Variants in ABLIM1 observed in about 807,000 individuals in gnomAD.
ABLIM1 encodes the protein actin-binding LIM protein 1.
Under a neutral mutation model 107.0 loss-of-function variants are expected in ABLIM1, and 40 were observed. The observed-to-expected ratio is 0.37, with a 90% CI of 0.29 to 0.49. The LOEUF (loss-of-function observed/expected upper bound fraction) is 0.49. Ranked by LOEUF, ABLIM1 falls within the 20% of genes least tolerant of loss-of-function variation. ABLIM1 has a pLI of 0.97. For missense variants in ABLIM1, 857 were observed against 1,008.5 expected (o/e 0.85, Z 2.04); for synonymous variants, 357 against 357.3 (o/e 1.00, Z 0.01).
chr10:114,644,306 AAT>A (rs1244613103), intron 1 of ABLIM1, among the ~76,000 whole-genome samples: 1,797 of 52,184 alleles, frequency 0.034, 48 homozygotes, highest in East Asian at 0.055. Flanking sequence ...AAAAAAAAAA[AAT>A]ATATATATAT....
At position 114,669,178 on chromosome 10, in the gene ABLIM1, T is replaced by A. The variant is rs1018212868; in HGVS notation, c.64+15112A>T. 7.2e-5 allele frequency among the ~76,000 whole-genome samples: 11 copies of A among 152,364 alleles called. No homozygotes were observed. The South Asian group carries it at 2.1e-3, about 29-fold the overall frequency. ...GAGCCTCTTATCTCATTGCATTAAC[T>A]AAATGATCTAACTCAGCAGTACTTC... On this transcript the variant is annotated intron_variant, in intron 1 of 23. Coordinates refer to the ABLIM1 transcript ENST00000369256.
At chr10:114,627,294 A>G (rs2077876022) in intron 1 of ABLIM1, among the ~76,000 whole-genome samples, 1 of 152,130 alleles carries the variant, frequency 6.6e-6, no homozygotes, top group Non-Finnish European at 1.5e-5. Context: ...TTAAAGCCTC[A>G]GTTTAAGAGC....
chr10:114,625,898 G>A (rs559700274), intron 1 of ABLIM1, among the ~76,000 whole-genome samples: 4 of 152,282 alleles, frequency 2.6e-5, no homozygotes, highest in East Asian at 1.9e-4. Flanking sequence ...TGATGGGTTC[G>A]AAGATTAAAG....
the ABLIM1 span, among the ~76,000 whole-genome samples, chr10:114,776,706 C>G: frequency 6.6e-6 from 1 of 152,198 alleles, no homozygotes; most frequent in Non-Finnish European, 1.5e-5. Context: ...CTCACTGGAA[C>G]TTCACTCTCC....
chr10:114,599,159 T>A (rs2075746680), intron 2 of ABLIM1, among the ~76,000 whole-genome samples: 1 of 152,240 alleles, frequency 6.6e-6, no homozygotes, highest in Admixed American at 6.5e-5. Context: ...TAAGGATAGA[T>A]GACTCATTTA....
Position 114,453,408 on chromosome 10 carries a change from G to A in ABLIM1, c.1517C>T (p.Ala506Val), listed in dbSNP as rs1051479682. 3 of 1,614,008 alleles carry A rather than the reference G, an allele frequency of 1.9e-6. No individual in the cohort carries two copies. In the African/African-American group the frequency reaches 4.0e-5, roughly 22 times the overall value. Residue 506 changes from alanine to valine, a missense_variant, in exon 13 of 23, where the codon GCT (alanine) becomes GTT (valine). This residue lies in a region of ABLIM1 where 381 missense variants were observed against 506.9 expected (regional missense o/e 0.75). Coordinates refer to ENST00000533213, the MANE Select transcript of ABLIM1 (RefSeq NM_002313.7). The stretch of plus-strand genomic sequence containing the variant: ...AACATGGAAATGTTTAGGGGCCTGA[G>A]CGTAAGTTGGAGTTAGAGGGCGGCT... ...PDSRPLTPTY[A>V]QAPKHFHVPD...
In ABLIM1 at chr10:114,532,633, G is replaced by A. The variant is rs546266121; in HGVS notation, c.894+12372C>T. ...TCCTTAGCCTGGTAATACTGTGCCC[G>A]GAAGAGAAATTATTCTGCTGACCTT... On this transcript the variant is annotated intron_variant, in intron 6 of 22. Transcript: ENST00000533213. 1.1e-4 allele frequency among the ~76,000 whole-genome samples: 16 copies of A among 152,258 alleles called. 1 individual carries two copies. The highest frequency in any genetic ancestry group is 3.4e-4 in the African/African-American group (14 of 41,552).
intron 6 of ABLIM1, among the ~76,000 whole-genome samples, chr10:114,531,967 A>G (rs2065495847): frequency 1.3e-5 from 2 of 152,046 alleles, no homozygotes; most frequent in South Asian, 2.1e-4. Flanking sequence ...GGTGCATACC[A>G]TCATGCCCAG....
intron 1 of ABLIM1, among the ~76,000 whole-genome samples, chr10:114,639,057 A>T (rs2078615896): frequency 6.6e-6 from 1 of 152,116 alleles, no homozygotes; most frequent in South Asian, 2.1e-4. Context: ...TTGTTCCCCT[A>T]CCTCATCTGG....
At chr10:114,441,199 A>C in intron 18 of ABLIM1, 122 bp from the exon 19 acceptor site, 1 of 976,292 alleles carries the variant, frequency 1.0e-6, no homozygotes, top group Non-Finnish European at 1.4e-6. Flanking sequence ...TCAGACCTTC[A>C]TTTTTTTTTT....
At chr10:114,575,337 TA>T in intron 3 of ABLIM1, 78 bp downstream of exon 3, 1 of 1,505,066 alleles carries the variant, frequency 6.6e-7, no homozygotes, top group Non-Finnish European at 9.1e-7. Flanking sequence ...AAAAGGTGTA[TA>T]ATCCAACCTT....
intron 1 of ABLIM1, among the ~76,000 whole-genome samples, chr10:114,757,117 A>G (rs1026110177): frequency 2.6e-5 from 4 of 152,226 alleles, no homozygotes; most frequent in Non-Finnish European, 4.4e-5. Flanking sequence ...TTTCTTCCTT[A>G]AACATAAGCC....
chr10:114,756,945 T>C (rs184892461), intron 1 of ABLIM1, among the ~76,000 whole-genome samples: 2 of 152,290 alleles, frequency 1.3e-5, no homozygotes, highest in East Asian at 3.9e-4. Context: ...TCTGGAACTC[T>C]ATAAGGAAAG....
chr10:114,791,652 A>G, the ABLIM1 span, among the ~76,000 whole-genome samples: 14 of 151,998 alleles, frequency 9.2e-5, no homozygotes, highest in Non-Finnish European at 1.8e-4. Flanking sequence ...AAAAAAACAA[A>G]AACAAGAAAA....
chr10:114,559,247 C>G (rs1255944616), intron 4 of ABLIM1, among the ~76,000 whole-genome samples: 1 of 151,700 alleles, frequency 6.6e-6, no homozygotes, highest in Admixed American at 6.6e-5. Flanking sequence ...AAAACAAAGC[C>G]AAGCACCACT....
intron 4 of ABLIM1, among the ~76,000 whole-genome samples, chr10:114,565,818 A>T (rs1226099145): frequency 8.6e-5 from 4 of 46,706 alleles, no homozygotes; most frequent in East Asian, 9.5e-4. Flanking sequence ...TTTTTGAGAC[A>T]GAGTCTCGAT....
chr10:114,558,360 T>C (rs753080629), intron 4 of ABLIM1, among the ~76,000 whole-genome samples: 2 of 152,144 alleles, frequency 1.3e-5, no homozygotes, highest in Admixed American at 6.5e-5. Context: ...ACAAAAGAAA[T>C]AGAAGATAGT....
chr10:114,747,774 T>TCA (rs2082414988), intron 1 of ABLIM1, among the ~76,000 whole-genome samples: 1 of 152,218 alleles, frequency 6.6e-6, no homozygotes, highest in Non-Finnish European at 1.5e-5. Context: ...GCACGATGGC[T>TCA]CACGCCTGTA....
chr10:114,796,322 T>C, the ABLIM1 span, among the ~76,000 whole-genome samples: 1 of 152,176 alleles, frequency 6.6e-6, no homozygotes, highest in Non-Finnish European at 1.5e-5. Flanking sequence ...ACTGCTGTCA[T>C]CTGAAGGCTT....
Sources: gnomAD v4.1 joint callset for allele counts (sites outside exome capture counted in the v4.1 genomes callset) on GRCh38, gnomAD v4.1.1 for gene constraint, gnomAD v4.1.1 regional missense constraint, MANE v1.5 for transcripts, NCBI Gene and HGNC (gene_info 2026-07-23, HGNC 2026-07-21) for gene names.